Variants in PNPLA3 observed in about 807,000 individuals in gnomAD.
PNPLA3 encodes 1-acylglycerol-3-phosphate O-acyltransferase PNPLA3.
A neutral mutation model predicts 43.1 loss-of-function variants in PNPLA3; 42 were observed. The ratio of observed to expected loss-of-function variants is 0.97; its 90% CI spans 0.76 to 1.26. PNPLA3 has a LOEUF of 1.26. Among genes scored for constraint, PNPLA3 ranks in the 50% most tolerant of loss-of-function variants. The probability of loss-of-function intolerance (pLI) is 0.00; values close to 1 mark genes in which losing one functional copy is unlikely to be tolerated. For synonymous variants in PNPLA3, 272 were observed against 253.6 expected, an observed-to-expected ratio of 1.07 and a Z score of -0.69; for missense variants, 647 against 621.4, an observed-to-expected ratio of 1.04 and a Z score of -0.44.
rs1005399093 is a variant in PNPLA3 at position 43,923,870 on chromosome 22, G to C, written c.-42G>C. On this transcript the variant is annotated 5_prime_UTR_variant, in exon 1 of 9. Coordinates refer to ENST00000216180, the MANE Select transcript of PNPLA3 (RefSeq NM_025225.3). ...AGGACCCGAGCCGATTCCCGATCCC[G>C]ACCCAGATCCTAACCCGCGCCCCCG... 25 of 1,446,936 alleles carry C rather than the reference G, an allele frequency of 1.7e-5. No homozygotes were observed. The highest frequency in any genetic ancestry group is 2.3e-5 in the Non-Finnish European group (25 of 1,103,966). The allele number at this position is 1,446,936 out of a possible 1,614,324, so 89.6% of individuals were successfully genotyped here. A position where few individuals can be genotyped will look rare whatever the true frequency, so the allele number is the denominator to read the frequency against.
At chr22:43,939,386 T>C in intron 6 of PNPLA3, 2 of 982,588 alleles carry the variant, frequency 2.0e-6, no homozygotes, top group African/African-American at 1.7e-5. Flanking sequence ...AAAGCAGGCT[T>C]TCTGGAATGG....
intron 2 of PNPLA3, among the ~76,000 whole-genome samples, chr22:43,928,248 C>A (rs2049938124): frequency 6.6e-6 from 1 of 152,236 alleles, no homozygotes; most frequent in Non-Finnish European, 1.5e-5. Context: ...AAACAGCCAG[C>A]ACTTGTCTGT....
At chr22:43,933,580 C>A (rs1352530958) in intron 4 of PNPLA3, among the ~76,000 whole-genome samples, 17 of 151,958 alleles carry the variant, frequency 1.1e-4, no homozygotes, top group Admixed American at 8.5e-4. Context: ...TGGAGTGTTG[C>A]CCAGGCTGGT....
intron 1 of PNPLA3, chr22:43,924,341 C>T: frequency 2.0e-6 from 1 of 512,608 alleles, no homozygotes; most frequent in South Asian, 3.0e-5. Flanking sequence ...TCTCGTGCGT[C>T]CCCACCCCTA....
rs2050003073 is a variant in PNPLA3, at chr22:43,937,405, A to G, written c.979+133A>G. On this transcript the variant is annotated intron_variant, in intron 6 of 8. Coordinates refer to ENST00000216180, the MANE Select transcript of PNPLA3 (RefSeq NM_025225.3). ...CAGGTGGTTGGGAACATCTCCTTCC[A>G]TGTGTACAGCCTGGGCTGCTGCCAT... 7.5e-6 allele frequency: 6 copies of G among 804,426 alleles called. No individual in the cohort carries two copies. In the South Asian group the frequency reaches 8.2e-5, roughly 11 times the overall value. 49.8% of individuals were successfully genotyped at this position (804,426 alleles called of 1,614,324 possible).
intron 3 of PNPLA3, among the ~76,000 whole-genome samples, chr22:43,930,275 ACT>A (rs781470437): frequency 4.0e-4 from 61 of 151,880 alleles, no homozygotes; most frequent in Non-Finnish European, 7.4e-4. Context: ...CACCCAGGTC[ACT>A]CTCTGCTCCT....
In PNPLA3 at chr22:43,930,156, G is replaced by A. The variant is rs149390372; in HGVS notation, c.486+1267G>A. The stretch of plus-strand genomic sequence containing the variant: ...CATTACAGACTACGTGCTCCTGTGC[G>A]TTATCTTATAGGGTCCCCACAACCA... On this transcript the variant is annotated intron_variant, in intron 3 of 8. Transcript: ENST00000216180. 1.2e-3 allele frequency among the ~76,000 whole-genome samples: 190 copies of A among 152,244 alleles called. 2 individuals are homozygous for A. The East Asian group carries it at 0.022, about 18-fold the overall frequency.
chr22:43,941,000 A>G (rs2050027105), intron 7 of PNPLA3, among the ~76,000 whole-genome samples: 1 of 151,738 alleles, frequency 6.6e-6, no homozygotes, highest in Non-Finnish European at 1.5e-5. Context: ...TTAGCTGGGC[A>G]TGGTGGTGCA....
Position 43,944,861 on chromosome 22 carries a change from C to T in PNPLA3, c.1217+66C>T, listed in dbSNP as rs535572722. On this transcript the variant is annotated intron_variant, in intron 8 of 8. Coordinates refer to ENST00000216180, the MANE Select transcript of PNPLA3 (RefSeq NM_025225.3). Reference sequence around the variant, plus strand: ...CTCTCTCATCTGATGAGGCCTCACACGACATTCTAGAAACAGCTGGCTGAA... The same window carrying T: ...CTCTCTCATCTGATGAGGCCTCACATGACATTCTAGAAACAGCTGGCTGAA... 1.3e-3 allele frequency: 1,687 copies of T among 1,346,198 alleles called. 1 individual carries two copies. Among genetic ancestry groups the T allele is most frequent in the Non-Finnish European group, 1.7e-3 (1,569 of 938,750 alleles). The allele number at this position is 1,346,198 out of a possible 1,614,324, so 83.4% of individuals were successfully genotyped here.
rs544884135 is a variant in PNPLA3 at position 43,934,824 on chromosome 22, C to T, written c.757+158C>T. Among the ~76,000 whole-genome samples, 390 of 152,152 alleles carry T rather than the reference C, an allele frequency of 2.6e-3. 1 individual carries two copies. Among genetic ancestry groups the T allele is most frequent in the Non-Finnish European group, 4.2e-3 (283 of 68,004 alleles). ...ATGAGCCCAGGAGATAGGAAATCTC[C>T]GTCCCATTGTACAGATGGGGAAACA... On this transcript the variant is annotated intron_variant, in intron 5 of 8. Coordinates refer to ENST00000216180, the MANE Select transcript of PNPLA3 (RefSeq NM_025225.3).
intron 3 of PNPLA3, among the ~76,000 whole-genome samples, chr22:43,931,759 A>G (rs533108872): frequency 2.8e-4 from 42 of 152,302 alleles, no homozygotes; most frequent in African/African-American, 9.9e-4. Context: ...CAAGTGATCC[A>G]TGTGCCTCAG....
At position 43,946,591 on chromosome 22, in the gene PNPLA3, G is replaced by C. The variant is rs1175924737; in HGVS notation, c.*209G>C. On this transcript the variant is annotated 3_prime_UTR_variant, in exon 9 of 9. Transcript: ENST00000216180. The stretch of plus-strand genomic sequence containing the variant: ...ACTTAACTCTAATACATCAGCATGC[G>C]TTAATTCAGCTGGTTGGGAAATGAC... The C allele has an allele frequency of 4.2e-5, 30 of 715,106 alleles. No homozygotes were observed. Among genetic ancestry groups the C allele is most frequent in the South Asian group, 2.9e-4 (20 of 69,538 alleles). The allele number at this position is 715,106 out of a possible 1,614,324, so 44.3% of individuals were successfully genotyped here.
chr22:43,941,458 C>A (rs2050030800), intron 7 of PNPLA3, among the ~76,000 whole-genome samples: 1 of 152,144 alleles, frequency 6.6e-6, no homozygotes, highest in South Asian at 2.1e-4. Flanking sequence ...ACTGAATCCA[C>A]CTCTCTGTGC....
chr22:43,934,589 G>A lies in PNPLA3; in HGVS notation c.697-17G>A, dbSNP rs754381362. 1 of 1,610,442 alleles carries A rather than the reference G, an allele frequency of 6.2e-7. No individual in the cohort carries two copies. The highest frequency in any genetic ancestry group is 8.5e-7 in the Non-Finnish European group (1 of 1,176,738). ...GGTGTCTCCCTGCTGTAGTCCCCTT[G>A]CTTGCTTTGCTCACAGGTGCTGGGA... On this transcript the variant is annotated splice_polypyrimidine_tract_variant and intron_variant, in intron 4 of 8. Transcript: ENST00000216180.
intron 1 of PNPLA3, 96 bp from the exon 2 acceptor site, chr22:43,926,839 G>A (rs2049925905): frequency 1.0e-6 from 1 of 1,004,156 alleles, no homozygotes; most frequent in East Asian, 2.6e-5. Context: ...CTAGAGAAAT[G>A]TTGGTGGCAT....
At chr22:43,929,132 A>G (rs1230793848) in intron 3 of PNPLA3, among the ~76,000 whole-genome samples, 1 of 152,192 alleles carries the variant, frequency 6.6e-6, no homozygotes. Flanking sequence ...TGGCTGGTTC[A>G]CTTAATCTGC....
At position 43,946,651 on chromosome 22, in the gene PNPLA3, CTG is replaced by C. The variant is rs2050065449; in HGVS notation, c.*271_*272del. On this transcript the variant is annotated 3_prime_UTR_variant, in exon 9 of 9. Coordinates refer to ENST00000216180, the MANE Select transcript of PNPLA3 (RefSeq NM_025225.3). The stretch of plus-strand genomic sequence containing the variant: ...CCCAGTGCAGAGGGTCCCTTACTGA[CTG>C]TTTCGTGGCCCTATTAATGGTCAGA... 1.2e-5 allele frequency: 8 copies of C among 665,544 alleles called. No individual in the cohort carries two copies. In the Admixed American group the frequency reaches 1.4e-4, roughly 12 times the overall value. The allele number at this position is 665,544 out of a possible 1,614,324, so 41.2% of individuals were successfully genotyped here. A position where few individuals can be genotyped will look rare whatever the true frequency, so the allele number is the denominator to read the frequency against.
chr22:43,933,260 AT>A (rs1243399775), intron 4 of PNPLA3, among the ~76,000 whole-genome samples, 173 bp downstream of exon 4: 4 of 152,200 alleles, frequency 2.6e-5, no homozygotes, highest in African/African-American at 9.7e-5. Flanking sequence ...CACCACCCTG[AT>A]TATGGGAATC....
chr22:43,930,360 T>C (rs747932933), intron 3 of PNPLA3, among the ~76,000 whole-genome samples: 23 of 152,186 alleles, frequency 1.5e-4, no homozygotes, highest in Non-Finnish European at 2.9e-4. Flanking sequence ...GGGTCCAGGA[T>C]AGTGGTCCAC....
Sources: allele counts gnomAD v4.1 joint callset (sites outside exome capture counted in the v4.1 genomes callset), GRCh38; gene constraint gnomAD v4.1.1; transcripts MANE v1.5; gene names NCBI Gene and HGNC (gene_info 2026-07-23, HGNC 2026-07-21).